FATE1: variants seen among roughly 807,000 people sequenced by gnomAD.
FATE1 encodes the protein fetal and adult testis-expressed transcript protein.
Under a neutral mutation model 16.0 loss-of-function variants are expected in FATE1, and 18 were observed. The observed-to-expected ratio is 1.12, with a 90% CI of 0.78 to 1.66. The LOEUF (loss-of-function observed/expected upper bound fraction) is 1.66. FATE1 is among the 40% of genes most tolerant of loss of function. The pLI, the probability that FATE1 is intolerant of heterozygous loss-of-function variation, is 0.00. For synonymous variants in FATE1, 76 were observed against 56.9 expected, an observed-to-expected ratio of 1.34 and a Z score of -1.51; for missense variants, 169 against 152.7, an observed-to-expected ratio of 1.11 and a Z score of -0.56.
At position 151,720,776 on chromosome X, in the gene FATE1, G is replaced by C. The variant is rs192454637; in HGVS notation, c.235-619G>C. ...AGAACTATGATTTGAGCCCAGGCAG[G>C]TCTGGCACCAAAAGCCACGCTCTTT... On this transcript the variant is annotated intron_variant, in intron 2 of 4. Transcript: ENST00000370350. Among the ~76,000 whole-genome samples, 251 of 112,124 alleles carry C rather than the reference G, an allele frequency of 2.2e-3. 1 individual carries two copies. The highest frequency in any genetic ancestry group is 6.8e-3 in the African/African-American group (211 of 30,838).
intron 2 of FATE1, among the ~76,000 whole-genome samples, chrX:151,719,419 C>T (rs1250503487): frequency 8.9e-6 from 1 of 111,924 alleles, no homozygotes; most frequent in Non-Finnish European, 1.9e-5. Flanking sequence ...TAACAACAAA[C>T]TATGTTATCT....
chrX:151,721,681 C>T (rs984984284), intron 3 of FATE1, among the ~76,000 whole-genome samples, 180 bp downstream of exon 3: 4 of 112,057 alleles, frequency 3.6e-5, no homozygotes, highest in Non-Finnish European at 7.5e-5. Context: ...GCGGCCTAGC[C>T]GAGTTGGGCT....
chrX:151,723,067 C>T lies in FATE1; in HGVS notation c.*308C>T, dbSNP rs751361543. 4 of 261,481 alleles carry T rather than the reference C, an allele frequency of 1.5e-5. No homozygotes were observed. The highest frequency in any genetic ancestry group is 7.5e-5 in the South Asian group (1 of 13,305). 21.5% of individuals were successfully genotyped at this position (261,481 alleles called of 1,213,427 possible). On this transcript the variant is annotated 3_prime_UTR_variant, in exon 5 of 5. Coordinates refer to ENST00000370350, the MANE Select transcript of FATE1 (RefSeq NM_033085.3). The stretch of plus-strand genomic sequence containing the variant: ...GGCAACCTTGCCTTCCTGACCTCAG[C>T]GGCCCTTCTGTTCCATCCTCTGTGG...
At chrX:151,718,738 G>A (rs777786766) in intron 2 of FATE1, among the ~76,000 whole-genome samples, 8 of 112,149 alleles carry the variant, frequency 7.1e-5, no homozygotes, top group African/African-American at 1.9e-4. Flanking sequence ...AGGGAATCAC[G>A]AATCCCATCA....
At chrX:151,720,233 C>T (rs767106294) in intron 2 of FATE1, among the ~76,000 whole-genome samples, 2 of 111,615 alleles carry the variant, frequency 1.8e-5, no homozygotes, top group Non-Finnish European at 3.8e-5. Context: ...TCTAAGTCCT[C>T]TCTGGATGCT....
intron 4 of FATE1, 134 bp downstream of exon 4, chrX:151,722,115 C>A: frequency 1.9e-6 from 1 of 525,563 alleles, no homozygotes; most frequent in Middle Eastern, 5.8e-4. Flanking sequence ...AGATTCCCTT[C>A]CTCTTCCTCC....
chrX:151,721,202 G>A (rs1049227868), intron 2 of FATE1, among the ~76,000 whole-genome samples, 193 bp from the exon 3 acceptor site: 9 of 112,360 alleles, frequency 8.0e-5, no homozygotes, highest in African/African-American at 2.9e-4. Context: ...GGAGCATGGT[G>A]TGGGTGGGGT....
intron 1 of FATE1, 115 bp from the exon 2 acceptor site, chrX:151,717,157 C>T (rs2015068196): frequency 1.1e-6 from 1 of 912,189 alleles, no homozygotes; most frequent in African/African-American, 2.0e-5. Context: ...TTAATGGGTG[C>T]TGAGTGATTC....
At position 151,717,280 on chromosome X, in the gene FATE1, G is replaced by T. The variant is rs2015069683; in HGVS notation, c.115G>T (p.Glu39Ter). Reference sequence around the variant, plus strand: ...TCTGTTCTTCTCTCTAGAAATGATGGAGCTTGGATCTCGGTCCCGGGGTGC... The same window carrying T: ...TCTGTTCTTCTCTCTAGAAATGATGTAGCTTGGATCTCGGTCCCGGGGTGC... ...QEHLVIAEMM[E>*]LGSRSRGASQ... Residue 39 changes from glutamate to a stop codon, truncating the protein, a stop_gained, in exon 2 of 5, where the codon GAG becomes TAG. Coordinates refer to ENST00000370350, the MANE Select transcript of FATE1 (RefSeq NM_033085.3). LOFTEE classifies it high-confidence loss of function. 2 of 1,205,843 alleles carry T rather than the reference G, an allele frequency of 1.7e-6. No homozygotes were observed. Among genetic ancestry groups the T allele is most frequent in the Non-Finnish European group, 2.2e-6 (2 of 891,673 alleles).
rs748823844 is a variant in FATE1, at chrX:151,722,771, C to T, written c.*12C>T. The T allele has an allele frequency of 1.7e-6, 2 of 1,200,409 alleles. No individual in the cohort carries two copies. Among genetic ancestry groups the T allele is most frequent in the South Asian group, 1.8e-5 (1 of 55,145 alleles). ...GGATGAACCAGTGATCGCCCCAGCGCGGCCTCCGTATTGGAGCCCTCCCTG... is the reference window on the plus strand; with the variant it reads ...GGATGAACCAGTGATCGCCCCAGCGTGGCCTCCGTATTGGAGCCCTCCCTG... On this transcript the variant is annotated 3_prime_UTR_variant, in exon 5 of 5. Transcript: ENST00000370350.
At chrX:151,716,481 G>A (rs918880201) in intron 1 of FATE1, among the ~76,000 whole-genome samples, 1 of 111,247 alleles carries the variant, frequency 9.0e-6, no homozygotes, top group African/African-American at 3.3e-5. Context: ...CCTTATCCAA[G>A]CCACCACAGT....
chrX:151,718,880 G>A (rs1235855368), intron 2 of FATE1, among the ~76,000 whole-genome samples: 6 of 112,101 alleles, frequency 5.4e-5, no homozygotes, highest in Non-Finnish European at 1.1e-4. Flanking sequence ...AGGGAGACTC[G>A]ATTGCTGAAA....
intron 2 of FATE1, among the ~76,000 whole-genome samples, chrX:151,720,449 G>A (rs886175424): frequency 6.2e-5 from 7 of 112,128 alleles, no homozygotes; most frequent in Non-Finnish European, 7.5e-5. Context: ...AGGAAGGAGT[G>A]TTAAATATGA....
chrX:151,719,546 T>C (rs920232455), intron 2 of FATE1, among the ~76,000 whole-genome samples: 4 of 112,286 alleles, frequency 3.6e-5, no homozygotes, highest in African/African-American at 1.3e-4. Context: ...AGCAATGGTC[T>C]GAAAATTTTT....
At chrX:151,717,435 T>C in intron 2 of FATE1, 36 bp downstream of exon 2, 1 of 1,174,714 alleles carries the variant, frequency 8.5e-7, no homozygotes, top group Non-Finnish European at 1.1e-6. Context: ...GGTGGCCAGG[T>C]TGGGGTTGGG....
At chrX:151,718,389 A>G (rs976035276) in intron 2 of FATE1, among the ~76,000 whole-genome samples, 3 of 112,430 alleles carry the variant, frequency 2.7e-5, no homozygotes, top group African/African-American at 9.7e-5. Context: ...TGATATTGGG[A>G]AAACACAGTC....
Position 151,722,804 on chromosome X carries a change from T to C in FATE1, c.*45T>C. On this transcript the variant is annotated 3_prime_UTR_variant, in exon 5 of 5. Coordinates refer to ENST00000370350, the MANE Select transcript of FATE1 (RefSeq NM_033085.3). ...GTATTGGAGCCCTCCCTGCTTCCCC[T>C]TCTTTCTTTCCTCTTTCCCCAGGCC... is the stretch of plus-strand genomic sequence containing the variant. 1 of 1,172,322 alleles carries C rather than the reference T, an allele frequency of 8.5e-7. No individual in the cohort carries two copies.
chrX:151,722,095 G>C (rs2015121549), intron 4 of FATE1, 114 bp downstream of exon 4: 1 of 649,577 alleles, frequency 1.5e-6, no homozygotes, highest in Non-Finnish European at 2.4e-6. Flanking sequence ...TTTAGCGCTG[G>C]AGGTGGGGCA....
intron 2 of FATE1, 30 bp from the exon 3 acceptor site, chrX:151,721,365 G>C (rs752539906): frequency 1.7e-6 from 2 of 1,186,757 alleles, no homozygotes; most frequent in South Asian, 3.5e-5. Context: ...GGGTTGGGCA[G>C]GCTACTTTAC....
Sources: gnomAD v4.1 joint callset for allele counts (sites outside exome capture counted in the v4.1 genomes callset) on GRCh38, gnomAD v4.1.1 for gene constraint, MANE v1.5 for transcripts, NCBI Gene and HGNC (gene_info 2026-07-23, HGNC 2026-07-21) for gene names.